MAGI1: variants seen among roughly 807,000 people sequenced by gnomAD.
MAGI1 encodes membrane-associated guanylate kinase, WW and PDZ domain-containing protein 1.
In MAGI1, 58 loss-of-function variants were observed where a neutral mutation model predicts 139.9. The observed-to-expected ratio is 0.41, with a 90% CI of 0.34 to 0.52. MAGI1 has a LOEUF of 0.52. MAGI1 is among the 20% of genes least tolerant of loss of function. MAGI1 has a pLI of 0.12. For synonymous variants in MAGI1, 812 were observed against 737.9 expected, an observed-to-expected ratio of 1.10 and a Z score of -1.63; for missense variants, 1,874 against 1,901.6, an observed-to-expected ratio of 0.99 and a Z score of 0.27.
chr3:65,822,726 C>T (rs1276933982), intron 1 of MAGI1, among the ~76,000 whole-genome samples: 9 of 152,060 alleles, frequency 5.9e-5, no homozygotes, highest in African/African-American at 2.2e-4. Context: ...GTACATCTTA[C>T]AATGGCAGGA....
intron 14 of MAGI1, among the ~76,000 whole-genome samples, chr3:65,386,085 C>A (rs1330648658): frequency 6.6e-6 from 1 of 152,076 alleles, no homozygotes; most frequent in African/African-American, 2.4e-5. Context: ...AGCCCAGACC[C>A]ATTTTTCTCA....
At chr3:65,540,801 C>T (rs574381338) in intron 2 of MAGI1, among the ~76,000 whole-genome samples, 1 of 152,242 alleles carries the variant, frequency 6.6e-6, no homozygotes, top group Non-Finnish European at 1.5e-5. Context: ...TCCCTTCTTC[C>T]ACATGGTGAC....
At chr3:65,797,965 T>C (rs530559862) in intron 1 of MAGI1, among the ~76,000 whole-genome samples, 2 of 152,222 alleles carry the variant, frequency 1.3e-5, no homozygotes, top group Non-Finnish European at 2.9e-5. Context: ...TTGAAAGGAA[T>C]ATAGTTTGTC....
At chr3:65,841,003 G>C (rs976660170) in intron 1 of MAGI1, among the ~76,000 whole-genome samples, 11 of 152,056 alleles carry the variant, frequency 7.2e-5, no homozygotes, top group Non-Finnish European at 1.6e-4. Flanking sequence ...AGTAAGTTGT[G>C]GTAGTTTGTG....
At chr3:65,490,899 G>C (rs1015280674) in intron 3 of MAGI1, among the ~76,000 whole-genome samples, 27 of 150,242 alleles carry the variant, frequency 1.8e-4, no homozygotes, top group African/African-American at 6.4e-4. Context: ...ATATGGTAAG[G>C]AAATTTCGCT....
At chr3:65,903,301 T>C (rs1386028623) in intron 1 of MAGI1, among the ~76,000 whole-genome samples, 4 of 152,072 alleles carry the variant, frequency 2.6e-5, no homozygotes, top group Non-Finnish European at 4.4e-5. Flanking sequence ...GAAGTCTTAA[T>C]ATTAGTACAG....
intron 1 of MAGI1, among the ~76,000 whole-genome samples, chr3:65,654,381 A>T: frequency 6.6e-6 from 1 of 152,190 alleles, no homozygotes; most frequent in East Asian, 1.9e-4. Flanking sequence ...GAATCTGTTA[A>T]GTGTTGCAGT....
intron 1 of MAGI1, among the ~76,000 whole-genome samples, chr3:65,781,070 C>T (rs264106): frequency 0.38 from 57,712 of 151,790 alleles, 12,374 homozygotes; most frequent in South Asian, 0.5. Context: ...GTGGCTCATG[C>T]CTGTAATTCC....
chr3:66,021,145 A>G (rs2067937980), intron 1 of MAGI1, among the ~76,000 whole-genome samples: 1 of 152,200 alleles, frequency 6.6e-6, no homozygotes, highest in South Asian at 2.1e-4. Flanking sequence ...ACTAGCCACA[A>G]GCAGATAGAT....
intron 14 of MAGI1, among the ~76,000 whole-genome samples, chr3:65,389,160 G>C (rs574263992): frequency 6.6e-6 from 1 of 152,140 alleles, no homozygotes; most frequent in East Asian, 1.9e-4. Context: ...TTTCAGTCCG[G>C]CTGCCACCTG....
chr3:66,014,883 A>G (rs1351578799), intron 1 of MAGI1, among the ~76,000 whole-genome samples: 2 of 152,188 alleles, frequency 1.3e-5, no homozygotes, highest in Admixed American at 6.5e-5. Flanking sequence ...TCCACTTAGA[A>G]TAACATTCCA....
intron 13 of MAGI1, among the ~76,000 whole-genome samples, chr3:65,392,601 G>A (rs1220782785): frequency 6.6e-6 from 1 of 152,024 alleles, no homozygotes; most frequent in Non-Finnish European, 1.5e-5. Context: ...ATCCTATCAA[G>A]GCCATTCTTC....
At chr3:65,875,570 A>C (rs986641976) in intron 1 of MAGI1, among the ~76,000 whole-genome samples, 1 of 152,218 alleles carries the variant, frequency 6.6e-6, no homozygotes, top group African/African-American at 2.4e-5. Flanking sequence ...ATCTATTTGT[A>C]GCTCTGCCTC....
intron 2 of MAGI1, among the ~76,000 whole-genome samples, chr3:65,534,971 C>A (rs1184648258): frequency 6.6e-6 from 1 of 152,028 alleles, no homozygotes; most frequent in Non-Finnish European, 1.5e-5. Context: ...GAAGTGCCAA[C>A]TCTCCATGTG....
intron 1 of MAGI1, among the ~76,000 whole-genome samples, chr3:65,625,728 T>TA (rs1491545208): frequency 5.3e-5 from 8 of 152,274 alleles, no homozygotes; most frequent in East Asian, 1.9e-4. Flanking sequence ...TACTCTTTTT[T>TA]AAAAAAATCC....
chr3:65,831,243 C>T (rs981702267), intron 1 of MAGI1, among the ~76,000 whole-genome samples: 1 of 152,208 alleles, frequency 6.6e-6, no homozygotes, highest in African/African-American at 2.4e-5. Flanking sequence ...ACTTCCCCAA[C>T]AAGCTTCAGT....
At chr3:65,516,189 TC>T (rs1027781762) in intron 2 of MAGI1, among the ~76,000 whole-genome samples, 1 of 151,950 alleles carries the variant, frequency 6.6e-6, no homozygotes, top group Non-Finnish European at 1.5e-5. Flanking sequence ...TCTCTCTCTC[TC>T]TTTTTTTTGA....
chr3:65,467,168 T>C (rs867920113), intron 5 of MAGI1, among the ~76,000 whole-genome samples: 29 of 152,336 alleles, frequency 1.9e-4, no homozygotes, highest in Middle Eastern at 3.4e-3. Context: ...AAAGTCTTCT[T>C]ATGTTTGTTT....
intron 1 of MAGI1, among the ~76,000 whole-genome samples, chr3:65,929,286 T>C (rs2062678447): frequency 6.6e-6 from 1 of 152,162 alleles, no homozygotes; most frequent in Non-Finnish European, 1.5e-5. Flanking sequence ...ATTCATTTCA[T>C]ATGTAGGCTT....
Sources: gnomAD v4.1 joint callset for allele counts (sites outside exome capture counted in the v4.1 genomes callset) on GRCh38, gnomAD v4.1.1 for gene constraint, MANE v1.5 for transcripts, NCBI Gene and HGNC (gene_info 2026-07-23, HGNC 2026-07-21) for gene names.